Variants in PLD5 observed in about 807,000 individuals in gnomAD.
PLD5 encodes the protein phospholipase D family member 5.
In PLD5, 36 loss-of-function variants were observed where a neutral mutation model predicts 61.1. That is an observed-to-expected ratio of 0.59 (90% CI 0.45 to 0.78). PLD5 has a LOEUF of 0.78. Among genes scored for constraint, PLD5 ranks in the 30% least tolerant of loss-of-function variants. The pLI, the probability that PLD5 is intolerant of heterozygous loss-of-function variation, is 0.00. For synonymous variants in PLD5, 243 were observed against 242.8 expected (o/e 1.00, Z -0.01); for missense variants, 515 against 644.4 (o/e 0.80, Z 2.17).
At chr1:242,499,892 A>T (rs1668497762) in intron 1 of PLD5, among the ~76,000 whole-genome samples, 2 of 152,184 alleles carry the variant, frequency 1.3e-5, no homozygotes, top group Admixed American at 1.3e-4. Context: ...TACAGGAATC[A>T]TCTACAGGCC....
intron 1 of PLD5, among the ~76,000 whole-genome samples, chr1:242,475,759 A>G (rs1469412100): frequency 6.6e-6 from 1 of 152,112 alleles, no homozygotes; most frequent in East Asian, 1.9e-4. Flanking sequence ...ATAATGAGGA[A>G]ATTAGGGTGG....
upstream of PLD5, among the ~76,000 whole-genome samples, chr1:242,526,349 C>T (rs555685537): frequency 6.6e-6 from 1 of 152,300 alleles, no homozygotes; most frequent in South Asian, 2.1e-4. Context: ...TCGCACTGCA[C>T]CCTGGGCGAC....
chr1:242,172,690 G>A (rs2148880580), intron 5 of PLD5, among the ~76,000 whole-genome samples: 1 of 152,164 alleles, frequency 6.6e-6, no homozygotes, highest in Non-Finnish European at 1.5e-5. Flanking sequence ...AAATGATAAA[G>A]GGGATATTAC....
chr1:242,224,970 C>G (rs917828610), intron 4 of PLD5, among the ~76,000 whole-genome samples: 1 of 152,198 alleles, frequency 6.6e-6, no homozygotes, highest in African/African-American at 2.4e-5. Context: ...GTATCTTCCT[C>G]TTCAAACCCC....
intron 5 of PLD5, among the ~76,000 whole-genome samples, chr1:242,174,868 G>A (rs1667016353): frequency 6.6e-6 from 1 of 152,114 alleles, no homozygotes; most frequent in African/African-American, 2.4e-5. Flanking sequence ...CTGGACATAG[G>A]AAGGGGAACG....
At chr1:242,473,208 C>A (rs1432210690) in intron 1 of PLD5, among the ~76,000 whole-genome samples, 1 of 152,086 alleles carries the variant, frequency 6.6e-6, no homozygotes, top group African/African-American at 2.4e-5. Context: ...GTAAGACATA[C>A]TTCTTGTGGA....
the PLD5 span, among the ~76,000 whole-genome samples, chr1:242,530,059 A>C: frequency 1.3e-5 from 2 of 151,986 alleles, no homozygotes; most frequent in Non-Finnish European, 2.9e-5. Context: ...ACACCCAGCT[A>C]ATTTTTGTAT....
At chr1:242,144,021 C>T (rs1379682643) in intron 5 of PLD5, among the ~76,000 whole-genome samples, 1 of 151,836 alleles carries the variant, frequency 6.6e-6, no homozygotes, top group Non-Finnish European at 1.5e-5. Context: ...AGGCTCCCGC[C>T]ACCACGCCTG....
At chr1:242,324,595 C>T (rs1369687420) in intron 2 of PLD5, among the ~76,000 whole-genome samples, 1 of 152,154 alleles carries the variant, frequency 6.6e-6, no homozygotes, top group African/African-American at 2.4e-5. Context: ...AACAAACCTC[C>T]TCTTTGCTTG....
At position 242,084,830 on chromosome 1, in the gene PLD5, C is replaced by T. The variant is rs977961709; in HGVS notation, c.*5024G>A. 8.6e-6 allele frequency: 1 copy of T among 116,404 alleles called. No individual in the cohort carries two copies. The highest frequency in any genetic ancestry group is 3.0e-4 in the East Asian group (1 of 3,364). The allele number at this position is 116,404 out of a possible 1,614,324, so 7.2% of individuals were successfully genotyped here. A position where few individuals can be genotyped will look rare whatever the true frequency, so the allele number is the denominator to read the frequency against. Reference sequence around the variant, plus strand: ...AAAGATGCCTCCTTGTGTGAATATACAAAACAGTGGGCCCATTGGACCAGT... The same window carrying T: ...AAAGATGCCTCCTTGTGTGAATATATAAAACAGTGGGCCCATTGGACCAGT... On this transcript the variant is annotated 3_prime_UTR_variant, in exon 10 of 10. Coordinates refer to ENST00000536534, the MANE Select transcript of PLD5 (RefSeq NM_001372062.1).
chr1:242,399,493 C>G lies in PLD5; in HGVS notation c.190-51251G>C, dbSNP rs535655733. Among the ~76,000 whole-genome samples the G allele has an allele frequency of 3.3e-5, 5 of 152,284 alleles. No homozygotes were observed. In the East Asian group the frequency reaches 9.6e-4, roughly 29 times the overall value. On this transcript the variant is annotated intron_variant, in intron 1 of 9. Transcript: ENST00000536534. ...GTAAAATTAAGCAAGCGTATTCATT[C>G]TTTCCTAGGAGTAGCTGCAGTGTTT...
chr1:242,243,498 T>A (rs1250309415), intron 4 of PLD5, among the ~76,000 whole-genome samples: 1 of 152,236 alleles, frequency 6.6e-6, no homozygotes, highest in African/African-American at 2.4e-5. Context: ...GAGACCATTC[T>A]CAGCTTAGGA....
intron 2 of PLD5, among the ~76,000 whole-genome samples, chr1:242,308,640 A>G (rs978267409): frequency 3.9e-5 from 6 of 152,182 alleles, no homozygotes; most frequent in Admixed American, 2.0e-4. Context: ...TGTGAATGAT[A>G]TGATTTCAGT....
intron 6 of PLD5, among the ~76,000 whole-genome samples, chr1:242,114,364 GATT>G (rs1339648320): frequency 2.0e-5 from 3 of 152,148 alleles, no homozygotes; most frequent in African/African-American, 7.2e-5. Flanking sequence ...ATAGTGATGA[GATT>G]ATGGTAATTA....
At chr1:242,121,371 AATG>A (rs1444313058) in intron 6 of PLD5, among the ~76,000 whole-genome samples, 1 of 152,160 alleles carries the variant, frequency 6.6e-6, no homozygotes, top group African/African-American at 2.4e-5. Context: ...ACTCTGTCTG[AATG>A]ATATCAATTC....
chr1:242,186,597 G>C (rs1667913023), intron 5 of PLD5, among the ~76,000 whole-genome samples: 1 of 152,138 alleles, frequency 6.6e-6, no homozygotes, highest in South Asian at 2.1e-4. Context: ...AAGAGCAAAA[G>C]AGAGGTAAAT....
At chr1:242,249,964 TA>T (rs1244059301) in intron 4 of PLD5, among the ~76,000 whole-genome samples, 1 of 152,218 alleles carries the variant, frequency 6.6e-6, no homozygotes, top group Non-Finnish European at 1.5e-5. Context: ...CTAATTAGCA[TA>T]ACATTTCAGA....
At chr1:242,449,869 C>T (rs1160653952) in intron 1 of PLD5, among the ~76,000 whole-genome samples, 2 of 152,138 alleles carry the variant, frequency 1.3e-5, no homozygotes, top group Admixed American at 6.5e-5. Flanking sequence ...GCAATGCTGA[C>T]GAGCACTCCA....
In PLD5 at chr1:242,207,910, A is replaced by ATATATTTATATATATT. The variant is rs1669512896; in HGVS notation, c.735+12077_735+12078insAATATATATAAATATA. The stretch of plus-strand genomic sequence containing the variant: ...TTTATATATATTTATATATTTATAT[A>ATATATTTATATATATT]TATTTATATATTTATATATATTTAT... On this transcript the variant is annotated intron_variant, in intron 5 of 9. Coordinates refer to ENST00000536534, the MANE Select transcript of PLD5 (RefSeq NM_001372062.1). 4.6e-5 allele frequency among the ~76,000 whole-genome samples: 2 copies of ATATATTTATATATATT among 43,532 alleles called. 1 individual carries two copies. Among genetic ancestry groups the ATATATTTATATATATT allele is most frequent in the African/African-American group, 2.3e-4 (2 of 8,628 alleles). The allele number at this position is 43,532 out of a possible 152,430, so 28.6% of individuals were successfully genotyped here.
Sources: allele counts gnomAD v4.1 joint callset (sites outside exome capture counted in the v4.1 genomes callset), GRCh38; gene constraint gnomAD v4.1.1; transcripts MANE v1.5; gene names NCBI Gene and HGNC (gene_info 2026-07-23, HGNC 2026-07-21).